The following PKIB variants were observed in gnomAD, a reference collection of about 807,000 sequenced individuals.
PKIB encodes the protein cAMP-dependent protein kinase inhibitor beta, also known as PKI-beta.
PKIB carries 2 observed loss-of-function variants against 4.5 expected under a neutral mutation model. That is an observed-to-expected ratio of 0.44 (90% CI 0.18 to 1.39). The LOEUF (loss-of-function observed/expected upper bound fraction) is 1.39. Among genes scored for constraint, PKIB ranks in the 40% most tolerant of loss-of-function variants. The probability of loss-of-function intolerance (pLI) is 0.27; values close to 1 mark genes in which losing one functional copy is unlikely to be tolerated. For missense variants in PKIB, 94 were observed against 92.6 expected (o/e 1.02, Z -0.06); for synonymous variants, 38 against 36.0 (o/e 1.06, Z -0.20).
At chr6:122,722,468 C>T (rs1166884195) in intron 4 of PKIB, among the ~76,000 whole-genome samples, 4 of 152,084 alleles carry the variant, frequency 2.6e-5, no homozygotes, top group African/African-American at 9.7e-5. Context: ...GACTTCATAT[C>T]ATCTTCTGCT....
At chr6:122,643,755 G>T (rs1235006960) in intron 2 of PKIB, 1 of 151,974 alleles carries the variant, frequency 6.6e-6, no homozygotes, top group Non-Finnish European at 1.5e-5. Flanking sequence ...TAAATGTATG[G>T]TTTTTTTAAA....
chr6:122,578,651 C>T (rs778310477), intron 2 of PKIB, among the ~76,000 whole-genome samples: 2 of 152,174 alleles, frequency 1.3e-5, no homozygotes, highest in African/African-American at 4.8e-5. Context: ...CCTGGGCCCA[C>T]AGAGCCTGTC....
At chr6:122,553,503 T>TTTTTTTTTTTTTTC (rs1491110198) in intron 2 of PKIB, among the ~76,000 whole-genome samples, 2 of 130,852 alleles carry the variant, frequency 1.5e-5, no homozygotes, top group Non-Finnish European at 3.4e-5. Context: ...TTTTTTTTTT[T>TTTTTTTTTTTTTTC]CTGAAAAAGG....
chr6:122,711,346 G>A (rs954826343), intron 3 of PKIB, among the ~76,000 whole-genome samples: 18 of 152,154 alleles, frequency 1.2e-4, no homozygotes, highest in African/African-American at 3.1e-4. Context: ...AAAGAGTACC[G>A]CCTAAACTTA....
chr6:122,662,806 A>G (rs981533422), intron 2 of PKIB, among the ~76,000 whole-genome samples: 2 of 152,184 alleles, frequency 1.3e-5, no homozygotes, highest in Admixed American at 6.5e-5. Flanking sequence ...TAGAGAGGGT[A>G]TATAACTTGT....
At chr6:122,720,893 G>A (rs965619940) in intron 4 of PKIB, among the ~76,000 whole-genome samples, 5 of 152,202 alleles carry the variant, frequency 3.3e-5, no homozygotes, top group African/African-American at 9.6e-5. Flanking sequence ...GTAGAAACGG[G>A]GTTTCACCAC....
At chr6:122,697,623 G>A (rs1778628583) in intron 3 of PKIB, among the ~76,000 whole-genome samples, 1 of 152,074 alleles carries the variant, frequency 6.6e-6, no homozygotes, top group Non-Finnish European at 1.5e-5. Flanking sequence ...GCTTGTGGCA[G>A]TGGTGACATC....
intron 1 of PKIB, among the ~76,000 whole-genome samples, chr6:122,623,076 C>T (rs979744360): frequency 3.9e-5 from 6 of 152,106 alleles, no homozygotes; most frequent in Admixed American, 1.3e-4. Flanking sequence ...TGAGAAAACC[C>T]GCCAAGCAAA....
At chr6:122,565,154 AT>A (rs1292059840) in intron 2 of PKIB, among the ~76,000 whole-genome samples, 1 of 152,094 alleles carries the variant, frequency 6.6e-6, no homozygotes, top group African/African-American at 2.4e-5. Context: ...AGGACAGGGA[AT>A]TTTTTTACTG....
In PKIB at chr6:122,621,603, G is replaced by A. The variant is rs117978565; in HGVS notation, c.-161+11068G>A. ...GCCACATAAAGGGGAAGGTGTTCTAGGAAGAGCAAAGAGACTCAAAGTGCA... is the reference window on the plus strand; with the variant it reads ...GCCACATAAAGGGGAAGGTGTTCTAAGAAGAGCAAAGAGACTCAAAGTGCA... On this transcript the variant is annotated intron_variant, in intron 1 of 4. Coordinates refer to ENST00000368452, the MANE Select transcript of PKIB (RefSeq NM_181795.3). 2.0e-5 allele frequency among the ~76,000 whole-genome samples: 3 copies of A among 152,278 alleles called. No individual in the cohort carries two copies. In the East Asian group the frequency reaches 5.8e-4, roughly 29 times the overall value.
chr6:122,574,963 C>A (rs977314656), intron 2 of PKIB, among the ~76,000 whole-genome samples: 11 of 152,000 alleles, frequency 7.2e-5, no homozygotes, highest in African/African-American at 2.7e-4. Flanking sequence ...AACAGACAAC[C>A]CACAGAGTAG....
chr6:122,613,750 G>A (rs918946279), intron 1 of PKIB, among the ~76,000 whole-genome samples: 2 of 151,948 alleles, frequency 1.3e-5, no homozygotes, highest in Non-Finnish European at 2.9e-5. Context: ...CGGATCACAA[G>A]GTCAAGAGGT....
At position 122,651,791 on chromosome 6, in the gene PKIB, A is replaced by G. The variant is rs1181953819; in HGVS notation, c.-76+18424A>G. On this transcript the variant is annotated intron_variant, in intron 2 of 4. Coordinates refer to ENST00000368452, the MANE Select transcript of PKIB (RefSeq NM_181795.3). Reference sequence around the variant, plus strand: ...TTCAGGTTATTTATACAGAGCTTGAACAGGAAATTTCAAGCCCTGAGTTTA... The same window carrying G: ...TTCAGGTTATTTATACAGAGCTTGAGCAGGAAATTTCAAGCCCTGAGTTTA... Among the ~76,000 whole-genome samples the G allele has an allele frequency of 2.6e-5, 4 of 152,184 alleles. No individual in the cohort carries two copies. In the East Asian group the frequency reaches 7.7e-4, roughly 29 times the overall value.
chr6:122,709,978 A>G (rs1426977978), intron 3 of PKIB, among the ~76,000 whole-genome samples: 1 of 152,176 alleles, frequency 6.6e-6, no homozygotes, highest in Non-Finnish European at 1.5e-5. Context: ...AACAAAATCT[A>G]TTTTAATACT....
intron 2 of PKIB, among the ~76,000 whole-genome samples, chr6:122,643,015 G>A (rs1309831938): frequency 6.6e-6 from 1 of 151,962 alleles, no homozygotes; most frequent in Non-Finnish European, 1.5e-5. Flanking sequence ...GTATTTAGGT[G>A]TACCTGGTAG....
chr6:122,603,744 G>T (rs1465152837), intron 3 of PKIB, among the ~76,000 whole-genome samples: 1 of 152,196 alleles, frequency 6.6e-6, no homozygotes, highest in Non-Finnish European at 1.5e-5. Context: ...GCCTCCCAAA[G>T]TGCTGGGATT....
chr6:122,606,816 C>T (rs1774553694), upstream of PKIB, among the ~76,000 whole-genome samples: 1 of 151,938 alleles, frequency 6.6e-6, no homozygotes, highest in East Asian at 1.9e-4. Context: ...TTCTTCTGCC[C>T]AGGTGTCAGC....
Position 122,690,934 on chromosome 6 carries a change from T to TATA in PKIB, c.-9+15790_-9+15791insATA, listed in dbSNP as rs1485299018. 4.7e-3 allele frequency among the ~76,000 whole-genome samples: 567 copies of TATA among 119,538 alleles called. 2 individuals are homozygous for TATA. Among genetic ancestry groups the TATA allele is most frequent in the African/African-American group, 0.014 (442 of 31,564 alleles). The allele number at this position is 119,538 out of a possible 152,430, so 78.4% of individuals were successfully genotyped here. ...TTGAAGGATATATATATATATATAT[T>TATA]TTTTTTTTTTTTTGCCAAATATACT... On this transcript the variant is annotated intron_variant, in intron 3 of 4. Coordinates refer to ENST00000368452, the MANE Select transcript of PKIB (RefSeq NM_181795.3).
chr6:122,520,376 T>C (rs2114597916), intron 2 of PKIB, among the ~76,000 whole-genome samples: 1 of 152,310 alleles, frequency 6.6e-6, no homozygotes, highest in East Asian at 1.9e-4. Context: ...CAAGCTGATT[T>C]TGTTGCATTC....
Sources: allele counts gnomAD v4.1 joint callset (sites outside exome capture counted in the v4.1 genomes callset), GRCh38; gene constraint gnomAD v4.1.1; transcripts MANE v1.5; gene names NCBI Gene and HGNC (gene_info 2026-07-23, HGNC 2026-07-21).